CSMD1: variants seen among roughly 807,000 people sequenced by gnomAD.
The protein encoded by CSMD1 is CUB and sushi domain-containing protein 1.
In CSMD1, 213 loss-of-function variants were observed where a neutral mutation model predicts 417.5. That is an observed-to-expected ratio of 0.51 (90% CI 0.46 to 0.57). The LOEUF (loss-of-function observed/expected upper bound fraction) is 0.57. Among genes scored for constraint, CSMD1 ranks in the 20% least tolerant of loss-of-function variants. CSMD1 has a pLI of 0.00. For missense variants in CSMD1, 6,923 were observed against 4,529.7 expected (o/e 1.53, Z -15.17); for synonymous variants, 2,862 against 1,736.8 (o/e 1.65, Z -16.11).
At chr8:4,811,700 G>A (rs1335318227) in intron 1 of CSMD1, among the ~76,000 whole-genome samples, 1 of 151,464 alleles carries the variant, frequency 6.6e-6, no homozygotes, top group East Asian at 1.9e-4. Flanking sequence ...ACAGAAATAA[G>A]AAAAAAAATG....
intron 5 of CSMD1, among the ~76,000 whole-genome samples, chr8:3,970,953 G>C (rs1813042605): frequency 6.6e-6 from 1 of 152,094 alleles, no homozygotes; most frequent in African/African-American, 2.4e-5. Context: ...GTTTCACCAT[G>C]TTGGCCGGGC....
chr8:3,658,566 T>G (rs1298184851), intron 7 of CSMD1, among the ~76,000 whole-genome samples: 1 of 151,576 alleles, frequency 6.6e-6, no homozygotes, highest in Non-Finnish European at 1.5e-5. Flanking sequence ...GTGGATGACT[T>G]GAGGTCAGGA....
At chr8:3,857,569 T>C (rs984078072) in intron 5 of CSMD1, among the ~76,000 whole-genome samples, 1 of 152,188 alleles carries the variant, frequency 6.6e-6, no homozygotes, top group African/African-American at 2.4e-5. Context: ...TCCACACCTG[T>C]TCTGTTTCTA....
intron 3 of CSMD1, among the ~76,000 whole-genome samples, chr8:4,231,341 A>T (rs1801714797): frequency 6.6e-6 from 1 of 152,174 alleles, no homozygotes; most frequent in African/African-American, 2.4e-5. Context: ...TGACTTCAAT[A>T]AATCACCTAG....
intron 5 of CSMD1, among the ~76,000 whole-genome samples, chr8:3,957,633 A>G (rs1360497868): frequency 6.6e-6 from 1 of 152,146 alleles, no homozygotes; most frequent in Non-Finnish European, 1.5e-5. Flanking sequence ...GCAGTGAACT[A>G]TAGTCATGCC....
chr8:3,899,310 A>C (rs904362602), intron 5 of CSMD1, among the ~76,000 whole-genome samples: 1 of 152,188 alleles, frequency 6.6e-6, no homozygotes, highest in Admixed American at 6.5e-5. Context: ...TACGCTTTGC[A>C]AAAGAGGTGC....
At chr8:3,275,067 C>T (rs973023376) in intron 26 of CSMD1, among the ~76,000 whole-genome samples, 1 of 152,132 alleles carries the variant, frequency 6.6e-6, no homozygotes, top group Non-Finnish European at 1.5e-5. Context: ...TGCCTGGTAC[C>T]TTTTGTTCCT....
In CSMD1 at chr8:4,832,016, G is replaced by A. The variant is rs142909200; in HGVS notation, c.85+162316C>T. Among the ~76,000 whole-genome samples, 95 of 152,306 alleles carry A rather than the reference G, an allele frequency of 6.2e-4. 1 individual carries two copies. The highest frequency in any genetic ancestry group is 2.2e-3 in the African/African-American group (91 of 41,570). On this transcript the variant is annotated intron_variant, in intron 1 of 69. Coordinates refer to ENST00000635120, the MANE Select transcript of CSMD1 (RefSeq NM_033225.6). ...GCACACATAGTCACTTTCAAAAGGA[G>A]CTTCCTCCAAGCAATGCCACATGTT...
chr8:4,924,963 T>C (rs969395480), intron 1 of CSMD1, among the ~76,000 whole-genome samples: 30 of 152,248 alleles, frequency 2.0e-4, no homozygotes, highest in African/African-American at 7.2e-4. Context: ...GAAGAATCTT[T>C]GCATCCACCA....
chr8:4,907,396 G>T (rs1487909255), intron 1 of CSMD1, among the ~76,000 whole-genome samples: 1 of 152,116 alleles, frequency 6.6e-6, no homozygotes, highest in African/African-American at 2.4e-5. Context: ...AATCCCTCAA[G>T]TATGAATTAC....
Position 3,832,033 on chromosome 8 carries a change from G to A in CSMD1, c.819-77991C>T, listed in dbSNP as rs574326512. On this transcript the variant is annotated intron_variant, in intron 5 of 69. Transcript: ENST00000635120. ...TTTAAAAATCTCTGTCCTTCTCTGC[G>A]TTGCTCTTATCACTGTTACCAGCCC... Among the ~76,000 whole-genome samples, 16 of 152,254 alleles carry A rather than the reference G, an allele frequency of 1.1e-4. No individual in the cohort carries two copies. In the South Asian group the frequency reaches 1.9e-3, roughly 18 times the overall value.
chr8:3,073,794 CAA>C lies in CSMD1; in HGVS notation c.7474+13301_7474+13302del, dbSNP rs5888941. ...TAAAATATAATGGTCAAAAAATTAC[CAA>C]AAAAAAAAAGTATTCTCTACTGAGT... is the stretch of plus-strand genomic sequence containing the variant. On this transcript the variant is annotated intron_variant, in intron 49 of 69. Coordinates refer to ENST00000635120, the MANE Select transcript of CSMD1 (RefSeq NM_033225.6). Among the ~76,000 whole-genome samples the C allele has an allele frequency of 2.0e-4, 29 of 145,998 alleles. 2 individuals are homozygous for C. In the East Asian group the frequency reaches 4.7e-3, roughly 23 times the overall value.
At chr8:4,345,905 C>G (rs1042885758) in intron 3 of CSMD1, among the ~76,000 whole-genome samples, 2 of 152,112 alleles carry the variant, frequency 1.3e-5, no homozygotes, top group Non-Finnish European at 2.9e-5. Flanking sequence ...TGTATTCAGT[C>G]AAGACGTAAC....
intron 3 of CSMD1, among the ~76,000 whole-genome samples, chr8:4,052,302 G>A (rs187538333): frequency 2.6e-5 from 4 of 152,264 alleles, no homozygotes; most frequent in African/African-American, 9.6e-5. Context: ...AGAGAAGAAC[G>A]CTGACATTTA....
intron 57 of CSMD1, among the ~76,000 whole-genome samples, chr8:2,970,618 G>A (rs1433076069): frequency 2.6e-5 from 4 of 152,216 alleles, no homozygotes; most frequent in East Asian, 1.9e-4. Flanking sequence ...AAATACTGCC[G>A]ATGAGTGATC....
chr8:3,828,716 C>A (rs1036012515), intron 5 of CSMD1, among the ~76,000 whole-genome samples: 1 of 152,152 alleles, frequency 6.6e-6, no homozygotes, highest in Admixed American at 6.5e-5. Flanking sequence ...TAGTTTGGAG[C>A]CTTTCTGCAA....
intron 11 of CSMD1, among the ~76,000 whole-genome samples, chr8:3,476,972 C>T (rs77577898): frequency 1.3e-5 from 2 of 150,848 alleles, no homozygotes; most frequent in East Asian, 3.9e-4. Flanking sequence ...GTTGGGGGAG[C>T]CTGTCAACAC....
chr8:4,393,372 A>G (rs1370958258), intron 3 of CSMD1, among the ~76,000 whole-genome samples: 1 of 152,228 alleles, frequency 6.6e-6, no homozygotes, highest in Non-Finnish European at 1.5e-5. Flanking sequence ...AAGGCCAAGA[A>G]ACTGAAGGAG....
At chr8:3,314,127 G>A (rs909461130) in intron 23 of CSMD1, among the ~76,000 whole-genome samples, 14 of 152,006 alleles carry the variant, frequency 9.2e-5, no homozygotes, top group African/African-American at 3.4e-4. Context: ...TTGTGGGGTG[G>A]GGGGAGTGGG....
Sources: gnomAD v4.1 joint callset for allele counts (sites outside exome capture counted in the v4.1 genomes callset) on GRCh38, gnomAD v4.1.1 for gene constraint, MANE v1.5 for transcripts, NCBI Gene and HGNC (gene_info 2026-07-23, HGNC 2026-07-21) for gene names.